Variants in DNAJC1 observed in about 807,000 individuals in gnomAD.
DNAJC1 encodes dnaJ homolog subfamily C member 1.
A neutral mutation model predicts 76.6 loss-of-function variants in DNAJC1; 58 were observed. The observed-to-expected ratio is 0.76, with a 90% CI of 0.61 to 0.94. The LOEUF (loss-of-function observed/expected upper bound fraction) is 0.94. Among genes scored for constraint, DNAJC1 ranks in the 40% least tolerant of loss-of-function variants. The pLI is 0.00. For missense variants in DNAJC1, 689 were observed against 677.3 expected (o/e 1.02, Z -0.19); for synonymous variants, 258 against 267.9 (o/e 0.96, Z 0.36).
intron 8 of DNAJC1, among the ~76,000 whole-genome samples, chr10:21,808,204 A>T (rs1024036264): frequency 1.2e-4 from 18 of 152,166 alleles, no homozygotes; most frequent in Non-Finnish European, 2.2e-4. Context: ...GAGCAAAAAA[A>T]TTGTCTACAA....
chr10:21,949,692 C>T (rs1837560326), intron 1 of DNAJC1, among the ~76,000 whole-genome samples: 1 of 151,904 alleles, frequency 6.6e-6, no homozygotes, highest in African/African-American at 2.4e-5. Flanking sequence ...GTTGGGATTA[C>T]AGGTGTGAGC....
chr10:21,775,623 C>A lies in DNAJC1; in HGVS notation c.1099-9314G>T, dbSNP rs190415061. The stretch of plus-strand genomic sequence containing the variant: ...CCAGATTGATGTCTCTCCTTTAGAT[C>A]TGAATGACTTTCAGTAAAGTGGGTA... On this transcript the variant is annotated intron_variant, in intron 9 of 11. Coordinates refer to ENST00000376980, the MANE Select transcript of DNAJC1 (RefSeq NM_022365.4). Among the ~76,000 whole-genome samples the A allele has an allele frequency of 1.8e-3, 277 of 152,226 alleles. 1 individual carries two copies. The highest frequency in any genetic ancestry group is 6.4e-3 in the African/African-American group (267 of 41,546).
At chr10:21,779,977 C>T (rs1353826916) in intron 9 of DNAJC1, among the ~76,000 whole-genome samples, 1 of 151,888 alleles carries the variant, frequency 6.6e-6, no homozygotes, top group Non-Finnish European at 1.5e-5. Context: ...ATTGGATCAA[C>T]CAGAAGAAAG....
intron 8 of DNAJC1, among the ~76,000 whole-genome samples, chr10:21,871,130 T>C (rs1390852417): frequency 6.6e-6 from 1 of 152,240 alleles, no homozygotes; most frequent in Admixed American, 6.5e-5. Context: ...GAATATTGTC[T>C]TTGTATGATG....
At chr10:21,968,924 G>T (rs1248055057) in intron 1 of DNAJC1, among the ~76,000 whole-genome samples, 1 of 152,014 alleles carries the variant, frequency 6.6e-6, no homozygotes, top group Non-Finnish European at 1.5e-5. Flanking sequence ...ATTTGAGTTG[G>T]AAGAAAATCC....
intron 6 of DNAJC1, among the ~76,000 whole-genome samples, chr10:21,911,731 C>A (rs1257767038): frequency 6.6e-6 from 1 of 152,208 alleles, no homozygotes; most frequent in Non-Finnish European, 1.5e-5. Context: ...AACAGAACAA[C>A]TTTTCCATTT....
chr10:21,863,040 G>A (rs574315901), intron 8 of DNAJC1, among the ~76,000 whole-genome samples: 4 of 152,180 alleles, frequency 2.6e-5, no homozygotes, highest in African/African-American at 9.6e-5. Context: ...GCTGACGCAG[G>A]AGAATCGCTT....
At chr10:21,967,532 C>T (rs1837913145) in intron 1 of DNAJC1, among the ~76,000 whole-genome samples, 2 of 152,136 alleles carry the variant, frequency 1.3e-5, no homozygotes, top group Non-Finnish European at 2.9e-5. Context: ...TTTCAATTCC[C>T]TTTTTCATAT....
intron 1 of DNAJC1, among the ~76,000 whole-genome samples, chr10:21,951,391 A>T (rs534260634): frequency 6.6e-6 from 1 of 152,324 alleles, no homozygotes; most frequent in African/African-American, 2.4e-5. Context: ...TATACTGGTT[A>T]AAAAAGCAGA....
chr10:21,980,746 C>A (rs775999149), intron 1 of DNAJC1, among the ~76,000 whole-genome samples: 8 of 151,994 alleles, frequency 5.3e-5, no homozygotes, highest in Non-Finnish European at 1.2e-4. Flanking sequence ...TTTTTGCCAC[C>A]TTTTGTTAAG....
Position 21,759,211 on chromosome 10 carries a change from G to C in DNAJC1, c.1555C>G (p.Arg519Gly). The C allele has an allele frequency of 5.6e-6, 9 of 1,614,136 alleles. No homozygotes were observed. The highest frequency in any genetic ancestry group is 7.6e-6 in the Non-Finnish European group (9 of 1,180,024). The change falls in exon 11 of 12, where the codon CGC becomes GGC. Residue 519 changes from arginine to glycine, a missense_variant. Physicochemically the swap from Arg to Gly is moderately radical, Grantham distance 125. Transcript: ENST00000376980. ...ACACATCTGGCTATTTTGTCCCAGC[G>C]GTCAGAGGATCCCCTTGGGTACTGC... ...LQQYPRGSSD[R>G]WDKIARCVPS...
At chr10:21,808,738 G>C (rs1459661577) in intron 8 of DNAJC1, among the ~76,000 whole-genome samples, 7 of 152,190 alleles carry the variant, frequency 4.6e-5, no homozygotes, top group Non-Finnish European at 1.5e-5. Flanking sequence ...AACTGTAGCT[G>C]TGAAAGTCAA....
chr10:21,843,392 C>CT (rs34760207), intron 8 of DNAJC1, among the ~76,000 whole-genome samples: 6,100 of 134,420 alleles, frequency 0.045, 233 homozygotes, highest in African/African-American at 0.093. Context: ...AGAGGTTTCC[C>CT]TTTTTTTTTT....
intron 1 of DNAJC1, among the ~76,000 whole-genome samples, chr10:21,936,610 C>G (rs1292728791): frequency 6.6e-6 from 1 of 152,080 alleles, no homozygotes; most frequent in Non-Finnish European, 1.5e-5. Flanking sequence ...ATAGGAGCAA[C>G]ATTTTTTATT....
At chr10:21,803,480 A>G (rs1011929441) in intron 9 of DNAJC1, among the ~76,000 whole-genome samples, 1 of 152,148 alleles carries the variant, frequency 6.6e-6, no homozygotes, top group Admixed American at 6.6e-5. Flanking sequence ...ACATTATACT[A>G]GAGAAACAAT....
At chr10:21,999,549 G>C (rs537885571) in intron 1 of DNAJC1, among the ~76,000 whole-genome samples, 2 of 136,658 alleles carry the variant, frequency 1.5e-5, no homozygotes, top group African/African-American at 2.7e-5. Flanking sequence ...TCCGCCTCCC[G>C]GGTTCAAGCA....
chr10:21,962,072 A>G (rs1350408805), intron 1 of DNAJC1, among the ~76,000 whole-genome samples: 1 of 152,042 alleles, frequency 6.6e-6, no homozygotes, highest in Non-Finnish European at 1.5e-5. Flanking sequence ...CCCTTATCTA[A>G]AACTGCAGTC....
chr10:21,794,642 T>C (rs1834732718), intron 9 of DNAJC1, among the ~76,000 whole-genome samples: 1 of 152,162 alleles, frequency 6.6e-6, no homozygotes, highest in African/African-American at 2.4e-5. Context: ...AGAAATTCTT[T>C]GCTATCCTGG....
chr10:21,822,980 G>C (rs564155000), intron 8 of DNAJC1, among the ~76,000 whole-genome samples: 9 of 151,950 alleles, frequency 5.9e-5, no homozygotes, highest in African/African-American at 2.2e-4. Flanking sequence ...ACGGTCGGTA[G>C]TTTCAAATAT....
Sources: gnomAD v4.1 joint callset for allele counts (sites outside exome capture counted in the v4.1 genomes callset) on GRCh38, gnomAD v4.1.1 for gene constraint, MANE v1.5 for transcripts, NCBI Gene and HGNC (gene_info 2026-07-23, HGNC 2026-07-21) for gene names.